CPA6: variants seen among roughly 807,000 people sequenced by gnomAD.
CPA6 encodes the protein carboxypeptidase A6.
A neutral mutation model predicts 63.3 loss-of-function variants in CPA6; 58 were observed. The observed-to-expected ratio is 0.92, with a 90% confidence interval of 0.74 to 1.14. The LOEUF (loss-of-function observed/expected upper bound fraction) is 1.14, where lower values mean the gene tolerates loss of function less well. Among genes scored for constraint, CPA6 ranks in the 50% most tolerant of loss-of-function variants. The pLI is 0.00. For synonymous variants in CPA6, 185 were observed against 179.0 expected, an observed-to-expected ratio of 1.03 and a Z score of -0.27; for missense variants, 565 against 526.6, an observed-to-expected ratio of 1.07 and a Z score of -0.71.
intron 8 of CPA6, among the ~76,000 whole-genome samples, chr8:67,442,541 A>G (rs1468289411): frequency 6.6e-6 from 1 of 152,228 alleles, no homozygotes; most frequent in East Asian, 1.9e-4. Context: ...AGTAAGAACA[A>G]TATCAACAAA....
chr8:67,733,218 A>T lies in CPA6; in HGVS notation c.116+12796T>A, dbSNP rs1048764106. 1.1e-3 allele frequency among the ~76,000 whole-genome samples: 126 copies of T among 118,282 alleles called. 1 individual carries two copies. In the East Asian group the frequency reaches 0.011, roughly 11 times the overall value. 77.6% of individuals were successfully genotyped at this position (118,282 alleles called of 152,430 possible). ...TCTCAAAAAAAAAAAAAAAAAAAAA[A>T]AAAAAATAAAAAAATTTAGCGTCTA... On this transcript the variant is annotated intron_variant, in intron 1 of 10. Coordinates refer to ENST00000297770, the MANE Select transcript of CPA6 (RefSeq NM_020361.5).
intron 1 of CPA6, among the ~76,000 whole-genome samples, chr8:67,716,148 T>A (rs1817373817): frequency 1.2e-5 from 1 of 82,442 alleles, no homozygotes; most frequent in Admixed American, 1.8e-4. Context: ...AGTGAGCTTG[T>A]CTCAAAAAAA....
At chr8:67,496,127 T>A (rs912856064) in intron 6 of CPA6, among the ~76,000 whole-genome samples, 4 of 152,204 alleles carry the variant, frequency 2.6e-5, no homozygotes, top group Non-Finnish European at 5.9e-5. Flanking sequence ...CTTGTCTTTT[T>A]AAAGTCTTAA....
intron 1 of CPA6, among the ~76,000 whole-genome samples, chr8:67,676,929 C>A (rs1052342134): frequency 6.6e-6 from 1 of 152,114 alleles, no homozygotes; most frequent in Non-Finnish European, 1.5e-5. Flanking sequence ...TGGGAAAAAA[C>A]GTGTGCATAT....
At chr8:67,537,427 G>T (rs1017503086) in intron 2 of CPA6, among the ~76,000 whole-genome samples, 2 of 152,148 alleles carry the variant, frequency 1.3e-5, no homozygotes, top group African/African-American at 2.4e-5. Flanking sequence ...TCTTGGGAGG[G>T]TGTATGTGTC....
chr8:67,640,605 C>A (rs930249496), intron 1 of CPA6, among the ~76,000 whole-genome samples: 2 of 151,286 alleles, frequency 1.3e-5, no homozygotes, highest in African/African-American at 4.9e-5. Context: ...GGGTAGGGGT[C>A]CTGCCTGTTC....
At chr8:67,643,020 C>A (rs1815630588) in intron 1 of CPA6, among the ~76,000 whole-genome samples, 1 of 151,164 alleles carries the variant, frequency 6.6e-6, no homozygotes. Context: ...AAAGGCAAGC[C>A]CTAGAGAGGA....
intron 2 of CPA6, among the ~76,000 whole-genome samples, chr8:67,590,793 T>G (rs1380392703): frequency 2.0e-5 from 3 of 150,546 alleles, no homozygotes; most frequent in African/African-American, 7.3e-5. Context: ...TAGCCCTTTG[T>G]CAGATGAGTA....
intron 8 of CPA6, among the ~76,000 whole-genome samples, chr8:67,434,958 C>A (rs891826241): frequency 1.3e-5 from 2 of 152,214 alleles, no homozygotes; most frequent in Non-Finnish European, 2.9e-5. Flanking sequence ...CCCTGGAGAG[C>A]CTTGACCCAG....
At chr8:67,576,930 T>G (rs1256197294) in intron 2 of CPA6, among the ~76,000 whole-genome samples, 1 of 151,642 alleles carries the variant, frequency 6.6e-6, no homozygotes, top group Non-Finnish European at 1.5e-5. Flanking sequence ...TGGCACGATC[T>G]CAGCTCACTG....
intron 6 of CPA6, among the ~76,000 whole-genome samples, chr8:67,499,049 A>G (rs1811781884): frequency 6.6e-6 from 1 of 152,236 alleles, no homozygotes; most frequent in Non-Finnish European, 1.5e-5. Context: ...TCAAAATAAT[A>G]AAATAATGAA....
chr8:67,575,464 T>A (rs1424629400), intron 2 of CPA6, among the ~76,000 whole-genome samples: 1 of 152,166 alleles, frequency 6.6e-6, no homozygotes, highest in African/African-American at 2.4e-5. Context: ...TTCACAATAG[T>A]CAAGATACAG....
In CPA6 at chr8:67,509,503, T is replaced by C; in HGVS notation, c.534+14A>G. 1.7e-6 allele frequency: 2 copies of C among 1,195,634 alleles called. No individual in the cohort carries two copies. The highest frequency in any genetic ancestry group is 1.9e-5 in the Admixed American group (1 of 53,270). The allele number at this position is 1,195,634 out of a possible 1,614,324, so 74.1% of individuals were successfully genotyped here. A position where few individuals can be genotyped will look rare whatever the true frequency, so the allele number is the denominator to read the frequency against. On this transcript the variant is annotated intron_variant, in intron 5 of 10. Coordinates refer to ENST00000297770, the MANE Select transcript of CPA6 (RefSeq NM_020361.5). ...TAAACATTATGTATTTACACAGCAATTGCTTATTTTTACCTTTAAAATAAA... is the reference window on the plus strand; with the variant it reads ...TAAACATTATGTATTTACACAGCAACTGCTTATTTTTACCTTTAAAATAAA...
At chr8:67,436,386 A>AT (rs200562889) in intron 8 of CPA6, among the ~76,000 whole-genome samples, 2,448 of 137,278 alleles carry the variant, frequency 0.018, 69 homozygotes, top group African/African-American at 0.057. Flanking sequence ...GTTGTTGGGT[A>AT]TTTTTTTTTT....
intron 2 of CPA6, among the ~76,000 whole-genome samples, chr8:67,595,018 C>T (rs1326467869): frequency 6.6e-6 from 1 of 151,950 alleles, no homozygotes; most frequent in Non-Finnish European, 1.5e-5. Context: ...GTTTTATCTA[C>T]TTTTGGTCTT....
chr8:67,506,858 C>T lies in CPA6; in HGVS notation c.565G>A (p.Val189Ile), dbSNP rs749233798. The change falls in exon 6 of 11, where the codon GTT (valine) becomes ATT (isoleucine). Residue 189 changes from valine to isoleucine, a missense_variant. Physicochemically the swap from Val to Ile is conservative, Grantham distance 29. Coordinates refer to ENST00000297770, the MANE Select transcript of CPA6 (RefSeq NM_020361.5). ...LGRRSRLKRA[V>I]WIDCGIHARE... ...GCATGAATACCACAGTCTATCCAAA[C>T]AGCTCTTTTGAGTCGTGATCGTCTG... 3 of 1,613,620 alleles carry T rather than the reference C, an allele frequency of 1.9e-6. No homozygotes were observed. The highest frequency in any genetic ancestry group is 2.5e-6 in the Non-Finnish European group (3 of 1,179,650).
At chr8:67,564,560 G>A (rs1813292992) in intron 2 of CPA6, among the ~76,000 whole-genome samples, 1 of 152,080 alleles carries the variant, frequency 6.6e-6, no homozygotes, top group Middle Eastern at 3.2e-3. Flanking sequence ...GTCATAGGAA[G>A]AGCAGTACAG....
At chr8:67,658,748 CA>C (rs1424249788) in intron 1 of CPA6, among the ~76,000 whole-genome samples, 2 of 152,104 alleles carry the variant, frequency 1.3e-5, no homozygotes, top group Non-Finnish European at 2.9e-5. Flanking sequence ...ACTAAAAATC[CA>C]GACCCCTAAG....
intron 6 of CPA6, among the ~76,000 whole-genome samples, chr8:67,500,142 C>T (rs1811802110): frequency 2.6e-5 from 4 of 152,112 alleles, no homozygotes. Context: ...TTTCCTGCAT[C>T]CTCCCTGGCA....
Sources: allele counts gnomAD v4.1 joint callset (sites outside exome capture counted in the v4.1 genomes callset), GRCh38; gene constraint gnomAD v4.1.1; transcripts MANE v1.5; gene names NCBI Gene and HGNC (gene_info 2026-07-23, HGNC 2026-07-21).